ANKS1B: variants seen among roughly 807,000 people sequenced by gnomAD.
ANKS1B encodes the protein ankyrin repeat and sterile alpha motif domain-containing protein 1B.
Under a neutral mutation model 148.3 loss-of-function variants are expected in ANKS1B, and 36 were observed. The ratio of observed to expected loss-of-function variants is 0.24; its 90% CI spans 0.19 to 0.32. ANKS1B has a LOEUF of 0.32. ANKS1B is among the 10% of genes least tolerant of loss of function. ANKS1B has a pLI of 1.00. For synonymous variants in ANKS1B, 542 were observed against 560.8 expected (o/e 0.97, Z 0.47); for missense variants, 1,157 against 1,542.6 (o/e 0.75, Z 4.19).
chr12:98,816,400 AT>A (rs1281698287), intron 19 of ANKS1B, among the ~76,000 whole-genome samples: 2 of 152,170 alleles, frequency 1.3e-5, no homozygotes, highest in Admixed American at 1.3e-4. Context: ...GGTTCAAATG[AT>A]TCTTGTGCCT....
intron 12 of ANKS1B, among the ~76,000 whole-genome samples, chr12:99,380,830 T>C (rs553334340): frequency 1.6e-4 from 24 of 151,048 alleles, no homozygotes; most frequent in African/African-American, 5.6e-4. Context: ...AAACATTTGT[T>C]AGGCAACAGT....
At chr12:99,450,435 T>G (rs957116922) in intron 10 of ANKS1B, among the ~76,000 whole-genome samples, 3 of 152,202 alleles carry the variant, frequency 2.0e-5, no homozygotes, top group African/African-American at 7.2e-5. Flanking sequence ...CAGGAATGAT[T>G]CATTGCAAGG....
chr12:99,710,852 C>A (rs1282241554), intron 8 of ANKS1B, among the ~76,000 whole-genome samples: 1 of 152,108 alleles, frequency 6.6e-6, no homozygotes, highest in Non-Finnish European at 1.5e-5. Context: ...ATATAATTAA[C>A]AAAAGCCCAT....
At chr12:99,548,341 C>G (rs73141647) in intron 9 of ANKS1B, among the ~76,000 whole-genome samples, 8,984 of 151,174 alleles carry the variant, frequency 0.059, 376 homozygotes, top group East Asian at 0.24. Context: ...TGGCCCTTTC[C>G]CTTTTCCTGT....
intron 12 of ANKS1B, among the ~76,000 whole-genome samples, chr12:99,316,640 G>T (rs1188652333): frequency 6.6e-6 from 1 of 151,468 alleles, no homozygotes; most frequent in Non-Finnish European, 1.5e-5. Context: ...TCTGATGGTA[G>T]TTTCTTTTGC....
chr12:99,982,762 C>T (rs1481813601), intron 1 of ANKS1B, among the ~76,000 whole-genome samples: 3 of 152,118 alleles, frequency 2.0e-5, no homozygotes, highest in South Asian at 4.1e-4. Context: ...GAAAAAATGT[C>T]CCATAAATAT....
intron 11 of ANKS1B, among the ~76,000 whole-genome samples, chr12:99,439,781 A>G (rs2095519826): frequency 6.6e-6 from 1 of 151,758 alleles, no homozygotes; most frequent in Non-Finnish European, 1.5e-5. Context: ...TGATCCAACA[A>G]TGCCATTCTT....
At chr12:98,734,870 T>G in exon 10 of ANKS1B, 1 of 270,234 alleles carries the variant, frequency 3.7e-6, no homozygotes. Flanking sequence ...AAGTATTACC[T>G]TTTGGAATTA....
At chr12:99,646,492 C>T (rs1380104621) in intron 9 of ANKS1B, among the ~76,000 whole-genome samples, 2 of 151,694 alleles carry the variant, frequency 1.3e-5, no homozygotes, top group Admixed American at 1.3e-4. Context: ...CCCATCTCTA[C>T]TAAAAATACA....
chr12:99,587,003 T>C (rs2097649155), intron 9 of ANKS1B, among the ~76,000 whole-genome samples: 2 of 152,092 alleles, frequency 1.3e-5, no homozygotes, highest in South Asian at 2.1e-4. Context: ...CATATATATA[T>C]ATATTTGCTA....
chr12:98,859,787 C>T (rs111445123), intron 17 of ANKS1B, among the ~76,000 whole-genome samples: 9 of 152,126 alleles, frequency 5.9e-5, no homozygotes, highest in African/African-American at 2.2e-4. Flanking sequence ...TCACTGTAAG[C>T]AAAATGGGAA....
intron 11 of ANKS1B, among the ~76,000 whole-genome samples, chr12:99,414,012 C>T (rs943580296): frequency 6.6e-6 from 1 of 152,164 alleles, no homozygotes; most frequent in Non-Finnish European, 1.5e-5. Context: ...TGAGAACAGA[C>T]AGTTGCTCTC....
intron 15 of ANKS1B, among the ~76,000 whole-genome samples, chr12:99,119,372 A>G (rs1352589675): frequency 6.6e-6 from 1 of 152,160 alleles, no homozygotes; most frequent in Middle Eastern, 3.2e-3. Flanking sequence ...ATTTTGCCCA[A>G]GTGATACTTA....
chr12:99,257,399 C>T (rs1020046534), intron 12 of ANKS1B, among the ~76,000 whole-genome samples: 1 of 152,086 alleles, frequency 6.6e-6, no homozygotes, highest in African/African-American at 2.4e-5. Context: ...TTCAGTTCAT[C>T]AATTTTCTCT....
chr12:99,775,639 T>C lies in ANKS1B; in HGVS notation c.870A>G (p.Arg290=). 2 of 1,609,718 alleles carry C rather than the reference T, an allele frequency of 1.2e-6. No homozygotes were observed. The highest frequency in any genetic ancestry group is 1.7e-6 in the Non-Finnish European group (2 of 1,176,604). The part of the protein sequence containing the change: ...LLQEYLEGVG[R]STVLEEPVQE... Reference sequence around the variant, plus strand: ...GTACAGGCTCTTCGAGGACTGTAGATCTTCCCACGCCTTCTAAATACTCTG... The same window carrying C: ...GTACAGGCTCTTCGAGGACTGTAGACCTTCCCACGCCTTCTAAATACTCTG... Residue 290 remains arginine (R), a synonymous_variant, in exon 7 of 27, where the codon AGA becomes AGG. Coordinates refer to ENST00000683438, the MANE Select transcript of ANKS1B (RefSeq NM_001352186.2).
At chr12:99,619,303 C>T (rs2098014927) in intron 9 of ANKS1B, among the ~76,000 whole-genome samples, 1 of 151,954 alleles carries the variant, frequency 6.6e-6, no homozygotes, top group Non-Finnish European at 1.5e-5. Context: ...CAGCCTGAGC[C>T]ACCCTACCCT....
chr12:99,898,437 C>G (rs978609651), intron 1 of ANKS1B, among the ~76,000 whole-genome samples: 3 of 152,138 alleles, frequency 2.0e-5, no homozygotes, highest in African/African-American at 7.2e-5. Context: ...CCCCAAGGAA[C>G]AGCAAGAAAG....
chr12:99,155,188 T>A, intron 14 of ANKS1B: 1 of 1,312,412 alleles, frequency 7.6e-7, no homozygotes. Context: ...GTTCCCTTTC[T>A]CCTTTTCCTT....
At chr12:99,398,845 C>T (rs2094325277) in intron 12 of ANKS1B, among the ~76,000 whole-genome samples, 1 of 152,134 alleles carries the variant, frequency 6.6e-6, no homozygotes, top group South Asian at 2.1e-4. Flanking sequence ...TGTAAAACCT[C>T]TATCCGTCTG....
Sources: gnomAD v4.1 joint callset for allele counts (sites outside exome capture counted in the v4.1 genomes callset) on GRCh38, gnomAD v4.1.1 for gene constraint, MANE v1.5 for transcripts, NCBI Gene and HGNC (gene_info 2026-07-23, HGNC 2026-07-21) for gene names.